The following PPP1R12B variants were observed in gnomAD, a reference collection of about 807,000 sequenced individuals.
PPP1R12B encodes protein phosphatase 1 regulatory subunit 12B, also known as myosin phosphatase target subunit 2.
A neutral mutation model predicts 126.1 loss-of-function variants in PPP1R12B; 76 were observed. That is an observed-to-expected ratio of 0.60 (90% confidence interval 0.50 to 0.73). The LOEUF is 0.73. Among genes scored for constraint, PPP1R12B ranks in the 30% least tolerant of loss-of-function variants. PPP1R12B has a pLI of 0.00. For missense variants in PPP1R12B, 1,052 were observed against 1,205.1 expected (o/e 0.87, Z 1.88); for synonymous variants, 356 against 434.7 (o/e 0.82, Z 2.25).
At chr1:202,423,426 T>C (rs1669080879) in intron 3 of PPP1R12B, among the ~76,000 whole-genome samples, 1 of 152,164 alleles carries the variant, frequency 6.6e-6, no homozygotes, top group Non-Finnish European at 1.5e-5. Context: ...CAGTGGTCTT[T>C]CCCAATATGA....
intron 18 of PPP1R12B, among the ~76,000 whole-genome samples, chr1:202,519,855 C>T (rs1431502872): frequency 6.6e-6 from 1 of 152,008 alleles, no homozygotes; most frequent in Non-Finnish European, 1.5e-5. Context: ...GAACTCTTAC[C>T]ATTTGTTGCG....
chr1:202,425,440 C>A, intron 3 of PPP1R12B, 126 bp from the exon 4 acceptor site: 1 of 1,050,888 alleles, frequency 9.5e-7, no homozygotes, highest in Non-Finnish European at 1.4e-6. Flanking sequence ...TTGATAATTA[C>A]CCAACTTGAT....
At chr1:202,392,908 T>TA (rs1419768937) in intron 1 of PPP1R12B, among the ~76,000 whole-genome samples, 5 of 152,152 alleles carry the variant, frequency 3.3e-5, no homozygotes, top group East Asian at 1.9e-4. Flanking sequence ...CTATAATTTT[T>TA]AAAAAAAGTA....
In PPP1R12B at chr1:202,356,216, CCTGTAGGTAT is replaced by C. The variant is rs539323115; in HGVS notation, c.291+7077_291+7086del. Among the ~76,000 whole-genome samples, 10 of 152,194 alleles carry C rather than the reference CCTGTAGGTAT, an allele frequency of 6.6e-5. No homozygotes were observed. In the East Asian group the frequency reaches 1.9e-3, roughly 29 times the overall value. ...AATAAGTAAGTAAGTAAGTAAATAT[CCTGTAGGTAT>C]CTATGTGACTCAAGGCTAGTCACTT... On this transcript the variant is annotated intron_variant, in intron 1 of 23. Transcript: ENST00000608999.
At chr1:202,569,710 C>T (rs1209789930) in intron 23 of PPP1R12B, among the ~76,000 whole-genome samples, 3 of 152,172 alleles carry the variant, frequency 2.0e-5, no homozygotes, top group African/African-American at 4.8e-5. Context: ...TGCCCCAGTA[C>T]ATTAACTCTG....
rs573931600 is a variant in PPP1R12B, at chr1:202,447,030, A to G, written c.1668-1959A>G. Reference sequence around the variant, plus strand: ...GCTTCTGAACTGAGAATTTTCCCAGAAGTACTAGTTGTCTGCATATGTCTC... The same window carrying G: ...GCTTCTGAACTGAGAATTTTCCCAGGAGTACTAGTTGTCTGCATATGTCTC... On this transcript the variant is annotated intron_variant, in intron 12 of 23. Transcript: ENST00000608999. Among the ~76,000 whole-genome samples the G allele has an allele frequency of 1.2e-4, 19 of 152,312 alleles. No homozygotes were observed. The South Asian group carries it at 3.9e-3, about 32-fold the overall frequency.
At chr1:202,446,256 A>ATATATATATTTTTT (rs376183502) in intron 12 of PPP1R12B, among the ~76,000 whole-genome samples, 22 of 54,328 alleles carry the variant, frequency 4.0e-4, no homozygotes, top group Admixed American at 2.3e-3. Flanking sequence ...ATATATATAT[A>ATATATATATTTTTT]TTTTTTTTTT....
Position 202,404,499 on chromosome 1 carries a change from A to T in PPP1R12B, c.292-12288A>T, listed in dbSNP as rs138519950. 1.6e-3 allele frequency among the ~76,000 whole-genome samples: 242 copies of T among 150,966 alleles called. 1 individual carries two copies. Among genetic ancestry groups the T allele is most frequent in the African/African-American group, 5.7e-3 (236 of 41,132 alleles). On this transcript the variant is annotated intron_variant, in intron 1 of 23. Coordinates refer to ENST00000608999, the MANE Select transcript of PPP1R12B (RefSeq NM_002481.4). ...AATAATTTTTTATTTTTATTTTTTA[A>T]ATTTTTATTATAATTTTTTTGAGAT...
intron 10 of PPP1R12B, chr1:202,438,810 G>A (rs927974406): frequency 2.1e-5 from 17 of 826,300 alleles, no homozygotes; most frequent in Non-Finnish European, 3.6e-5. Context: ...GGATCTTAGT[G>A]TCTAACTCAC....
chr1:202,378,028 C>T (rs1279489024), intron 1 of PPP1R12B, among the ~76,000 whole-genome samples: 1 of 150,970 alleles, frequency 6.6e-6, no homozygotes, highest in African/African-American at 2.4e-5. Context: ...TTAGTAGAGA[C>T]GGGGTTTCAC....
intron 7 of PPP1R12B, 56 bp downstream of exon 7, chr1:202,430,866 CT>C: frequency 6.4e-7 from 1 of 1,552,760 alleles, no homozygotes; most frequent in Non-Finnish European, 8.7e-7. Flanking sequence ...CAGTGACATA[CT>C]TAACTTCAGA....
intron 1 of PPP1R12B, among the ~76,000 whole-genome samples, chr1:202,393,027 C>T (rs896326012): frequency 1.3e-4 from 20 of 152,290 alleles, no homozygotes; most frequent in African/African-American, 4.8e-4. Flanking sequence ...CTCACTGCAA[C>T]CTGCATCTTT....
chr1:202,426,896 A>G (rs1412896524), intron 4 of PPP1R12B, 144 bp from the exon 5 acceptor site: 1 of 1,217,828 alleles, frequency 8.2e-7, no homozygotes, highest in Non-Finnish European at 1.1e-6. Flanking sequence ...TATGAAACCC[A>G]AACTGTGCCT....
At chr1:202,518,817 G>A (rs1166965766) in intron 18 of PPP1R12B, among the ~76,000 whole-genome samples, 3 of 152,102 alleles carry the variant, frequency 2.0e-5, no homozygotes, top group African/African-American at 4.8e-5. Context: ...TGGCTATTTC[G>A]TGAACTGAGT....
chr1:202,540,110 G>GT, intron 18 of PPP1R12B: 2 of 1,588,306 alleles, frequency 1.3e-6, no homozygotes, highest in Non-Finnish European at 1.7e-6. Context: ...GAATCCAGTG[G>GT]TTGAGTGTCT....
intron 2 of PPP1R12B, among the ~76,000 whole-genome samples, chr1:202,421,286 A>G (rs547837045): frequency 6.7e-6 from 1 of 150,134 alleles, no homozygotes; most frequent in Non-Finnish European, 1.5e-5. Flanking sequence ...GCCAGTGGCC[A>G]TATATTATCT....
chr1:202,427,232 T>C (rs552120038), intron 5 of PPP1R12B, 48 bp downstream of exon 5: 1 of 1,606,270 alleles, frequency 6.2e-7, no homozygotes. Context: ...GGTGGCTGGG[T>C]CTCTAGAATA....
intron 21 of PPP1R12B, chr1:202,567,486 G>GGAGAGAGA (rs149322103): frequency 8.5e-6 from 3 of 352,990 alleles, no homozygotes; most frequent in Non-Finnish European, 1.5e-5. Context: ...GAAGACCTGT[G>GGAGAGAGA]GAGAGAGAGA....
intron 18 of PPP1R12B, chr1:202,501,802 A>C (rs1018054631): frequency 1.2e-5 from 12 of 963,538 alleles, no homozygotes; most frequent in Non-Finnish European, 1.1e-5. Context: ...GCAAACCTGA[A>C]ATTAGGACTT....
Sources: gnomAD v4.1 joint callset for allele counts (sites outside exome capture counted in the v4.1 genomes callset) on GRCh38, gnomAD v4.1.1 for gene constraint, MANE v1.5 for transcripts, NCBI Gene and HGNC (gene_info 2026-07-23, HGNC 2026-07-21) for gene names.